Variants in ANO3 observed in about 807,000 individuals in gnomAD.
The protein encoded by ANO3 is anoctamin 3.
ANO3 carries 99 observed loss-of-function variants against 144.8 expected under a neutral mutation model. The ratio of observed to expected loss-of-function variants is 0.68; its 90% CI spans 0.58 to 0.81. The LOEUF (loss-of-function observed/expected upper bound fraction) is 0.81. Ranked by LOEUF, ANO3 falls within the 30% of genes least tolerant of loss-of-function variation. The pLI is 0.00. For missense variants in ANO3, 905 were observed against 1,202.2 expected, an observed-to-expected ratio of 0.75 and a Z score of 3.66; for synonymous variants, 414 against 392.6, an observed-to-expected ratio of 1.05 and a Z score of -0.64.
chr11:26,523,074 G>C (rs1379287413), intron 6 of ANO3, among the ~76,000 whole-genome samples: 4 of 152,114 alleles, frequency 2.6e-5, no homozygotes, highest in African/African-American at 9.7e-5. Flanking sequence ...ATGGTGGAAG[G>C]GGAAGCAAGC....
chr11:26,491,284 T>C (rs1590411482), intron 4 of ANO3, among the ~76,000 whole-genome samples: 1 of 152,342 alleles, frequency 6.6e-6, no homozygotes, highest in East Asian at 1.9e-4. Flanking sequence ...GAATCTATTT[T>C]GATAACTCTC....
intron 10 of ANO3, among the ~76,000 whole-genome samples, chr11:26,539,133 TACACACACACACACAC>T (rs68138224): frequency 7.4e-5 from 11 of 149,306 alleles, no homozygotes; most frequent in South Asian, 2.1e-4. Context: ...ACAAGAGAAA[TACACACACACACACAC>T]ACACACACAC....
chr11:26,577,849 C>A (rs1851030690), intron 14 of ANO3, among the ~76,000 whole-genome samples: 1 of 151,884 alleles, frequency 6.6e-6, no homozygotes, highest in Non-Finnish European at 1.5e-5. Context: ...CATTAGGATA[C>A]ATAAAGACAA....
intron 6 of ANO3, among the ~76,000 whole-genome samples, chr11:26,517,566 A>C (rs1861908384): frequency 6.6e-6 from 1 of 152,018 alleles, no homozygotes; most frequent in Non-Finnish European, 1.5e-5. Context: ...TACTATGCAA[A>C]GTATTTACTC....
At chr11:26,200,623 T>C (rs549255413) in intron 1 of ANO3, among the ~76,000 whole-genome samples, 1 of 152,226 alleles carries the variant, frequency 6.6e-6, no homozygotes, top group South Asian at 2.1e-4. Context: ...ATATGATGTG[T>C]TTCAGCAAAA....
At chr11:26,245,018 T>TGTGTGCACGC (rs151031559) in intron 1 of ANO3, among the ~76,000 whole-genome samples, 6 of 145,324 alleles carry the variant, frequency 4.1e-5, no homozygotes, top group Non-Finnish European at 7.6e-5. Flanking sequence ...TGTGTGTGTG[T>TGTGTGCACGC]GTGCATGCAT....
intron 1 of ANO3, among the ~76,000 whole-genome samples, chr11:26,361,386 T>C (rs1343146069): frequency 2.0e-5 from 3 of 152,200 alleles, no homozygotes; most frequent in Non-Finnish European, 4.4e-5. Context: ...AAGAGACCTA[T>C]TCTTTTTTGT....
At chr11:26,558,279 C>G (rs1374578621) in intron 13 of ANO3, among the ~76,000 whole-genome samples, 1 of 152,088 alleles carries the variant, frequency 6.6e-6, no homozygotes, top group Non-Finnish European at 1.5e-5. Flanking sequence ...GGGGAAGGGC[C>G]ATTATTTCTT....
chr11:26,606,544 A>G (rs545627620), intron 17 of ANO3, among the ~76,000 whole-genome samples: 3 of 150,612 alleles, frequency 2.0e-5, no homozygotes, highest in African/African-American at 7.3e-5. Flanking sequence ...GCCTCCCACT[A>G]TTCTTTGTTG....
At chr11:26,428,123 G>C (rs1857973291) in intron 1 of ANO3, among the ~76,000 whole-genome samples, 1 of 152,152 alleles carries the variant, frequency 6.6e-6, no homozygotes, top group African/African-American at 2.4e-5. Flanking sequence ...AAATCAGAAA[G>C]TAATTGTTAG....
chr11:26,346,784 C>T (rs1386347096), intron 1 of ANO3, among the ~76,000 whole-genome samples: 1 of 152,164 alleles, frequency 6.6e-6, no homozygotes, highest in Non-Finnish European at 1.5e-5. Flanking sequence ...TTCGTCAATA[C>T]TCATGGTGCT....
Position 26,253,098 on chromosome 11 carries a change from C to T in ANO3, c.155-56547C>T, listed in dbSNP as rs1358152688. 2.6e-5 allele frequency among the ~76,000 whole-genome samples: 4 copies of T among 152,258 alleles called. No individual in the cohort carries two copies. In the East Asian group the frequency reaches 7.7e-4, roughly 29 times the overall value. ...TAATGACTGCCATGTCCACAGAAGG[C>T]AAGCCCTTTCATACTGCACTGTATT... On this transcript the variant is annotated intron_variant, in intron 1 of 27. Transcript: ENST00000672621.
Position 26,344,104 on chromosome 11 carries a change from T to A in ANO3, c.46+11783T>A, listed in dbSNP as rs146618205. 3.9e-3 allele frequency among the ~76,000 whole-genome samples: 596 copies of A among 152,326 alleles called. 2 individuals are homozygous for A. Among genetic ancestry groups the A allele is most frequent in the Non-Finnish European group, 6.0e-3 (406 of 68,022 alleles). ...TCTCTGAATTTGCATTTATTTCTTA[T>A]ATAGCAGTAGTAATTTCTGATTATG... On this transcript the variant is annotated intron_variant, in intron 1 of 26. Transcript: ENST00000256737.
chr11:26,366,166 T>C (rs1856077059), intron 1 of ANO3, among the ~76,000 whole-genome samples: 1 of 151,774 alleles, frequency 6.6e-6, no homozygotes, highest in Admixed American at 6.6e-5. Context: ...CACAACAGGC[T>C]CCGGTGTGTG....
At chr11:26,576,685 T>C (rs1850995715) in intron 14 of ANO3, among the ~76,000 whole-genome samples, 1 of 152,220 alleles carries the variant, frequency 6.6e-6, no homozygotes, top group Admixed American at 6.5e-5. Context: ...TATTGCCATC[T>C]AACATACTGT....
chr11:26,530,583 G>A (rs1265183255), intron 7 of ANO3, among the ~76,000 whole-genome samples: 6 of 150,598 alleles, frequency 4.0e-5, no homozygotes, highest in African/African-American at 9.8e-5. Flanking sequence ...CTTTCTGGCC[G>A]GGCGCAGTGG....
At chr11:26,226,934 ATCC>A (rs998380836) in intron 1 of ANO3, among the ~76,000 whole-genome samples, 69 of 152,106 alleles carry the variant, frequency 4.5e-4, no homozygotes, top group African/African-American at 1.6e-3. Flanking sequence ...ATTAGATAAT[ATCC>A]TCATTTCCCC....
At position 26,583,244 on chromosome 11, in the gene ANO3, A is replaced by T. The variant is rs113509286; in HGVS notation, c.1448-15121A>T. ...CATGTAGCTTCTTATTTCTTCAAGA[A>T]ATTTGCAAGGCGGGGGAAAGATGTC... On this transcript the variant is annotated intron_variant, in intron 14 of 26. Transcript: ENST00000256737. Among the ~76,000 whole-genome samples, 372 of 152,356 alleles carry T rather than the reference A, an allele frequency of 2.4e-3. 3 individuals are homozygous for T. The highest frequency in any genetic ancestry group is 3.6e-3 in the Non-Finnish European group (242 of 68,032).
At position 26,588,423 on chromosome 11, in the gene ANO3, C is replaced by T. The variant is rs76051310; in HGVS notation, c.1448-9942C>T. Among the ~76,000 whole-genome samples the T allele has an allele frequency of 5.5e-3, 838 of 152,254 alleles. 6 individuals are homozygous for T. The highest frequency in any genetic ancestry group is 0.019 in the Admixed American group (291 of 15,290). ...AGCCATTAATAAAATACATATATCT[C>T]CAGCTGAGCATGGATTTTTAACAAA... On this transcript the variant is annotated intron_variant, in intron 14 of 26. Coordinates refer to ENST00000256737, the MANE Select transcript of ANO3 (RefSeq NM_031418.4).
Sources: gnomAD v4.1 joint callset for allele counts (sites outside exome capture counted in the v4.1 genomes callset) on GRCh38, gnomAD v4.1.1 for gene constraint, MANE v1.5 for transcripts, NCBI Gene and HGNC (gene_info 2026-07-23, HGNC 2026-07-21) for gene names.